CELF2: variants seen among roughly 807,000 people sequenced by gnomAD.
The protein encoded by CELF2 is CUGBP Elav-like family member 2, also known as CUG triplet repeat RNA-binding protein 2.
A neutral mutation model predicts 62.6 loss-of-function variants in CELF2; 8 were observed. The observed-to-expected ratio is 0.13, with a 90% confidence interval of 0.07 to 0.23. The LOEUF is 0.23. Among genes scored for constraint, CELF2 ranks in the 10% least tolerant of loss-of-function variants. The pLI, the probability that CELF2 is intolerant of heterozygous loss-of-function variation, is 1.00. For missense variants in CELF2, 333 were observed against 671.0 expected (o/e 0.50, Z 5.56); for synonymous variants, 258 against 250.0 (o/e 1.03, Z -0.30).
At chr10:10,689,546 T>C in the CELF2 span, among the ~76,000 whole-genome samples, 38 of 152,344 alleles carry the variant, frequency 2.5e-4, no homozygotes, top group African/African-American at 8.4e-4. Context: ...TATTTGAATA[T>C]ACTTCATAGC....
At chr10:10,602,492 T>TA in the CELF2 span, among the ~76,000 whole-genome samples, 73,966 of 151,928 alleles carry the variant, frequency 0.49, 18,448 homozygotes, top group South Asian at 0.74. Flanking sequence ...ATGTTCTAGA[T>TA]AGCTAATGAC....
the CELF2 span, among the ~76,000 whole-genome samples, chr10:10,464,640 C>T: frequency 6.6e-6 from 1 of 152,212 alleles, no homozygotes; most frequent in Non-Finnish European, 1.5e-5. Flanking sequence ...TAACAAGATT[C>T]TGAGCTAGCA....
chr10:10,591,167 G>C, the CELF2 span, among the ~76,000 whole-genome samples: 2 of 151,976 alleles, frequency 1.3e-5, no homozygotes, highest in South Asian at 4.1e-4. Context: ...CCATAACCTA[G>C]AAATTTCATT....
At chr10:10,751,660 T>G in the CELF2 span, among the ~76,000 whole-genome samples, 2 of 152,212 alleles carry the variant, frequency 1.3e-5, no homozygotes, top group Non-Finnish European at 1.5e-5. Flanking sequence ...ATGACTAAGC[T>G]TTTGTTCATT....
At chr10:10,685,177 T>C in the CELF2 span, among the ~76,000 whole-genome samples, 3 of 152,208 alleles carry the variant, frequency 2.0e-5, no homozygotes, top group East Asian at 5.8e-4. Flanking sequence ...GCCAGAAGTA[T>C]ACAGAGCGGC....
intron 2 of CELF2, among the ~76,000 whole-genome samples, chr10:11,179,926 A>G (rs1401917720): frequency 6.6e-6 from 1 of 152,162 alleles, no homozygotes; most frequent in Non-Finnish European, 1.5e-5. Flanking sequence ...ACTCAGCCCT[A>G]GTTCTCAAAA....
At chr10:11,212,996 G>T (rs1377258711) in intron 2 of CELF2, among the ~76,000 whole-genome samples, 1 of 152,176 alleles carries the variant, frequency 6.6e-6, no homozygotes, top group African/African-American at 2.4e-5. Context: ...GAAATTACCA[G>T]CATTAAGCAG....
At chr10:11,023,573 A>G (rs535199339) in intron 1 of CELF2, among the ~76,000 whole-genome samples, 2 of 152,284 alleles carry the variant, frequency 1.3e-5, no homozygotes, top group Admixed American at 1.3e-4. Context: ...TCCTCCTGGG[A>G]ATGTATTTTT....
chr10:11,046,518 C>G lies in CELF2; in HGVS notation c.74+28355C>G, dbSNP rs941503516. Among the ~76,000 whole-genome samples the G allele has an allele frequency of 1.3e-5, 2 of 152,198 alleles. No individual in the cohort carries two copies. The highest frequency in any genetic ancestry group is 4.8e-5 in the African/African-American group (2 of 41,456). On this transcript the variant is annotated intron_variant, in intron 1 of 12. Transcript: ENST00000633077. The surrounding 1 kb of genome is among the most constrained non-coding windows in gnomAD (Gnocchi z 4.6). Reference sequence around the variant, plus strand: ...GCGCACTGCCTGATTCTCATTAAGACTGTCCTGATTTCTTTTATGTCTTGG... The same window carrying G: ...GCGCACTGCCTGATTCTCATTAAGAGTGTCCTGATTTCTTTTATGTCTTGG...
the CELF2 span, among the ~76,000 whole-genome samples, chr10:10,767,801 C>T: frequency 6.6e-6 from 1 of 152,032 alleles, no homozygotes; most frequent in Non-Finnish European, 1.5e-5. Flanking sequence ...TGGAGACCAT[C>T]CTGGCTAACA....
chr10:10,689,154 A>C, the CELF2 span, among the ~76,000 whole-genome samples: 4 of 152,336 alleles, frequency 2.6e-5, no homozygotes, highest in South Asian at 4.1e-4. Flanking sequence ...TATGAAGAAG[A>C]GAGGTTTAAT....
intron 3 of CELF2, among the ~76,000 whole-genome samples, chr10:11,231,356 G>A (rs957013604): frequency 6.6e-6 from 1 of 152,206 alleles, no homozygotes; most frequent in Non-Finnish European, 1.5e-5. Context: ...TATTAGACCA[G>A]CATCAAAGAG....
Position 11,318,370 on chromosome 10 carries a change from C to T in CELF2, c.1097-2819C>T, listed in dbSNP as rs951197543. The T allele has an allele frequency of 4.4e-5, 9 of 205,848 alleles. No individual in the cohort carries two copies. Among genetic ancestry groups the T allele is most frequent in the South Asian group, 7.6e-5 (1 of 13,136 alleles). 12.8% of individuals were successfully genotyped at this position (205,848 alleles called of 1,614,324 possible). A position where few individuals can be genotyped will look rare whatever the true frequency, so the allele number is the denominator to read the frequency against. ...CTGGCTGGAGAGGCCAAACCCTCCC[C>T]GTGTCCCCTGACTGGTCCCCCTTGA... On this transcript the variant is annotated intron_variant, in intron 10 of 12. Transcript: ENST00000633077. This position sits in a 1 kb window ranked among gnomAD's most constrained non-coding sequence, Gnocchi z 5.4.
At chr10:10,529,443 A>G in the CELF2 span, among the ~76,000 whole-genome samples, 3 of 152,120 alleles carry the variant, frequency 2.0e-5, no homozygotes, top group African/African-American at 7.2e-5. Context: ...TCCCAGCACT[A>G]TGGGAGGCCA....
the CELF2 span, among the ~76,000 whole-genome samples, chr10:10,771,253 A>C: frequency 6.6e-6 from 1 of 152,208 alleles, no homozygotes; most frequent in African/African-American, 2.4e-5. Flanking sequence ...AAGCAGAGTC[A>C]ACTGGAGACT....
chr10:10,537,466 G>A, the CELF2 span, among the ~76,000 whole-genome samples: 1 of 152,166 alleles, frequency 6.6e-6, no homozygotes, highest in African/African-American at 2.4e-5. Flanking sequence ...CCCAAATGGA[G>A]AGCCACCTAC....
the CELF2 span, among the ~76,000 whole-genome samples, chr10:10,486,991 T>C: frequency 6.6e-6 from 1 of 152,174 alleles, no homozygotes; most frequent in Non-Finnish European, 1.5e-5. Flanking sequence ...TAAAATTAAA[T>C]TTCCCTGTCC....
chr10:10,918,028 G>C (rs1354094642), intron 1 of CELF2: 1 of 152,184 alleles, frequency 6.6e-6, no homozygotes, highest in Non-Finnish European at 1.5e-5. Context: ...TGTGCTGTTA[G>C]TGTTACTACA....
In CELF2 at chr10:11,254,279, C is replaced by G. The variant is rs143422940; in HGVS notation, c.404-3459C>G. 4.8e-3 allele frequency among the ~76,000 whole-genome samples: 730 copies of G among 152,390 alleles called. 4 individuals carry two copies. The highest frequency in any genetic ancestry group is 0.017 in the African/African-American group (698 of 41,592). On this transcript the variant is annotated intron_variant, in intron 4 of 12. Coordinates refer to ENST00000633077, the MANE Select transcript of CELF2 (RefSeq NM_001326342.2). ...TGCCTTTAAAGCAAACACAGCCCAA[C>G]TGTTGAAACCACGGAGCAACTTTGG...
Sources: gnomAD v4.1 joint callset for allele counts (sites outside exome capture counted in the v4.1 genomes callset) on GRCh38, gnomAD v4.1.1 for gene constraint, Gnocchi (gnomAD v3.1) non-coding constraint, MANE v1.5 for transcripts, NCBI Gene and HGNC (gene_info 2026-07-23, HGNC 2026-07-21) for gene names.